MINDY4: variants seen among roughly 807,000 people sequenced by gnomAD.
MINDY4 encodes the protein probable ubiquitin carboxyl-terminal hydrolase MINDY-4.
A neutral mutation model predicts 87.0 loss-of-function variants in MINDY4; 68 were observed. The ratio of observed to expected loss-of-function variants is 0.78; its 90% confidence interval spans 0.64 to 0.96. The LOEUF (loss-of-function observed/expected upper bound fraction) is 0.96, where lower values mean the gene tolerates loss of function less well. Among genes scored for constraint, MINDY4 ranks in the 40% least tolerant of loss-of-function variants. The pLI is 0.00. For missense variants in MINDY4, 919 were observed against 928.2 expected, an observed-to-expected ratio of 0.99 and a Z score of 0.13; for synonymous variants, 379 against 363.2, an observed-to-expected ratio of 1.04 and a Z score of -0.50.
chr7:30,808,932 G>GGA (rs55961516), intron 5 of MINDY4, among the ~76,000 whole-genome samples: 9,072 of 145,022 alleles, frequency 0.063, 345 homozygotes, highest in Middle Eastern at 0.092. Flanking sequence ...AGGGAGTCAA[G>GGA]GAGAGAGAGA....
intron 5 of MINDY4, among the ~76,000 whole-genome samples, 171 bp from the exon 6 acceptor site, chr7:30,828,508 C>T (rs909614644): frequency 6.6e-6 from 1 of 152,164 alleles, no homozygotes; most frequent in East Asian, 1.9e-4. Flanking sequence ...GGTCCCATCC[C>T]ATGTGGAACC....
chr7:30,881,226 C>T (rs1241522616), intron 15 of MINDY4, among the ~76,000 whole-genome samples: 1 of 152,150 alleles, frequency 6.6e-6, no homozygotes, highest in South Asian at 2.1e-4. Flanking sequence ...GCATGGAGGC[C>T]AGGCATTCAG....
intron 5 of MINDY4, among the ~76,000 whole-genome samples, chr7:30,813,923 G>A (rs1788078522): frequency 6.6e-6 from 1 of 152,182 alleles, no homozygotes; most frequent in African/African-American, 2.4e-5. Flanking sequence ...AGTGTAGGGT[G>A]GAAGGAAGCA....
intron 13 of MINDY4, among the ~76,000 whole-genome samples, chr7:30,869,100 C>A (rs1286058981): frequency 6.6e-6 from 1 of 152,222 alleles, no homozygotes; most frequent in African/African-American, 2.4e-5. Context: ...TCCTGTCATC[C>A]AGCTTGGTGC....
intron 4 of MINDY4, 24 bp downstream of exon 4, chr7:30,786,016 G>T: frequency 6.2e-7 from 1 of 1,612,512 alleles, no homozygotes; most frequent in Non-Finnish European, 8.5e-7. Context: ...TCTTTCTGTT[G>T]TTATGGGACT....
At chr7:30,842,997 T>G (rs535403078) in intron 9 of MINDY4, among the ~76,000 whole-genome samples, 28 of 152,282 alleles carry the variant, frequency 1.8e-4, no homozygotes, top group African/African-American at 6.7e-4. Flanking sequence ...TGCCAGCTGG[T>G]GCTCTTGCTC....
At position 30,847,752 on chromosome 7, in the gene MINDY4, G is replaced by A. The variant is rs533830185; in HGVS notation, c.1446-2702G>A. ...TTTGTTCGTTTTTGTTTTTGTTTTT[G>A]TTTTAGAGACAGGGTATCACTCTGT... On this transcript the variant is annotated intron_variant, in intron 9 of 17. Coordinates refer to ENST00000265299, the MANE Select transcript of MINDY4 (RefSeq NM_032222.3). Among the ~76,000 whole-genome samples the A allele has an allele frequency of 2.0e-5, 3 of 152,148 alleles. No homozygotes were observed. The South Asian group carries it at 6.2e-4, about 32-fold the overall frequency.
At chr7:30,841,170 G>A (rs939930535) in intron 9 of MINDY4, among the ~76,000 whole-genome samples, 2 of 152,120 alleles carry the variant, frequency 1.3e-5, no homozygotes, top group East Asian at 3.9e-4. Context: ...TCGACCTGCC[G>A]ACCTTTCGAC....
chr7:30,798,158 G>A (rs762170784), intron 5 of MINDY4, among the ~76,000 whole-genome samples: 2 of 152,166 alleles, frequency 1.3e-5, no homozygotes, highest in East Asian at 1.9e-4. Context: ...GCATGTTGCC[G>A]TATTGAATGC....
chr7:30,839,351 G>A, intron 8 of MINDY4, 35 bp downstream of exon 8: 1 of 1,400,884 alleles, frequency 7.1e-7, no homozygotes, highest in Non-Finnish European at 9.9e-7. Context: ...GGACCTTTCT[G>A]CTGGGCCATC....
intron 5 of MINDY4, among the ~76,000 whole-genome samples, chr7:30,799,313 A>T (rs1787582299): frequency 6.6e-6 from 1 of 152,130 alleles, no homozygotes; most frequent in African/African-American, 2.4e-5. Flanking sequence ...TGAGCCTGTA[A>T]ACCAGGGTCC....
intron 5 of MINDY4, among the ~76,000 whole-genome samples, chr7:30,822,668 C>T (rs1375042702): frequency 1.0e-5 from 1 of 100,062 alleles, no homozygotes; most frequent in Non-Finnish European, 1.9e-5. Context: ...GACAAGGTTT[C>T]ACTCTTGCTA....
intron 6 of MINDY4, among the ~76,000 whole-genome samples, chr7:30,831,896 A>G (rs554501324): frequency 9.8e-5 from 15 of 152,372 alleles, no homozygotes; most frequent in African/African-American, 3.6e-4. Flanking sequence ...CTTCTTTTCA[A>G]TTCGACATTT....
intron 9 of MINDY4, among the ~76,000 whole-genome samples, chr7:30,843,243 A>G (rs1261859762): frequency 6.6e-6 from 1 of 152,226 alleles, no homozygotes; most frequent in African/African-American, 2.4e-5. Context: ...TCCAGTAAAG[A>G]GAACAAGATG....
intron 4 of MINDY4, among the ~76,000 whole-genome samples, chr7:30,790,918 C>A (rs891165531): frequency 6.6e-6 from 1 of 152,208 alleles, no homozygotes; most frequent in Admixed American, 6.5e-5. Context: ...TCTGTAAGGG[C>A]TGCGAGAGAA....
chr7:30,867,706 G>A (rs936511318), intron 13 of MINDY4, among the ~76,000 whole-genome samples: 2 of 152,174 alleles, frequency 1.3e-5, no homozygotes, highest in Non-Finnish European at 2.9e-5. Flanking sequence ...TGGTGGGTGG[G>A]GGAAGTGTGG....
At chr7:30,848,095 T>G (rs1195063858) in intron 9 of MINDY4, among the ~76,000 whole-genome samples, 1 of 152,242 alleles carries the variant, frequency 6.6e-6, no homozygotes. Context: ...GAGAATTACC[T>G]GCTTCAGTAA....
rs758873645 is a variant in MINDY4 at position 30,778,568 on chromosome 7, G to A, written c.183+17G>A. On this transcript the variant is annotated intron_variant, in intron 2 of 17. Coordinates refer to ENST00000265299, the MANE Select transcript of MINDY4 (RefSeq NM_032222.3). ...GAGAACAAGGTATGTGCTTTCTAAG[G>A]TGTGGTGTGGAGTCTTGGAACTGAG... 4 of 1,613,946 alleles carry A rather than the reference G, an allele frequency of 2.5e-6. No homozygotes were observed. The highest frequency in any genetic ancestry group is 2.7e-5 in the African/African-American group (2 of 74,922).
intron 1 of MINDY4, among the ~76,000 whole-genome samples, chr7:30,776,630 G>T (rs904430563): frequency 3.3e-5 from 5 of 152,144 alleles, no homozygotes; most frequent in Non-Finnish European, 5.9e-5. Flanking sequence ...TGTTCCCTTC[G>T]TTTCACAGAT....
Sources: allele counts gnomAD v4.1 joint callset (sites outside exome capture counted in the v4.1 genomes callset), GRCh38; gene constraint gnomAD v4.1.1; transcripts MANE v1.5; gene names NCBI Gene and HGNC (gene_info 2026-07-23, HGNC 2026-07-21).